The following FAM50A variants were observed in gnomAD, a reference collection of about 807,000 sequenced individuals.
The protein encoded by FAM50A is family with sequence similarity 50 member A.
Under a neutral mutation model 35.5 loss-of-function variants are expected in FAM50A, and 6 were observed. The observed-to-expected ratio is 0.17, with a 90% CI of 0.09 to 0.33. The LOEUF (loss-of-function observed/expected upper bound fraction) is 0.33, where lower values mean the gene tolerates loss of function less well. FAM50A is among the 10% of genes least tolerant of loss of function. The pLI, the probability that FAM50A is intolerant of heterozygous loss-of-function variation, is 1.00. For missense variants in FAM50A, 145 were observed against 295.5 expected, an observed-to-expected ratio of 0.49 and a Z score of 3.73; for synonymous variants, 120 against 110.9, an observed-to-expected ratio of 1.08 and a Z score of -0.52.
chrX:154,449,107 A>G, intron 7 of FAM50A, 114 bp from the exon 8 acceptor site: 1 of 882,494 alleles, frequency 1.1e-6, no homozygotes, highest in Non-Finnish European at 1.6e-6. Flanking sequence ...AGTGAGGCCC[A>G]GGCCTGGCTG....
chrX:154,445,759 C>T, intron 2 of FAM50A, 42 bp downstream of exon 2: 2 of 1,189,253 alleles, frequency 1.7e-6, no homozygotes, highest in Non-Finnish European at 1.1e-6. Context: ...CCCCGGGCCA[C>T]TCTTCCGCTG....
chrX:154,445,388 C>T (rs1467973944), intron 1 of FAM50A: 18 of 426,275 alleles, frequency 4.2e-5, no homozygotes, highest in East Asian at 3.5e-4. Context: ...TCAGTAGGGT[C>T]GGTGGCTTCA....
rs1557200119 is a variant in FAM50A at position 154,448,703 on chromosome X, G to A, written c.533G>A (p.Arg178Gln). The A allele has an allele frequency of 2.5e-6, 3 of 1,210,208 alleles. No individual in the cohort carries two copies. The highest frequency in any genetic ancestry group is 2.2e-6 in the Non-Finnish European group (2 of 894,983). ...TCCCTCTCCCAGGAGGAGGAGAATC[G>A]GCTTCGGGAAGAGCTGCGGCAGGAG... ...PDRDREEEEN[R>Q]LREELRQEWE... is the part of the protein sequence containing the mutation. The change falls in exon 6 of 13, where the codon CGG becomes CAG. Residue 178 changes from arginine (R) to glutamine (Q), a missense_variant. Coordinates refer to ENST00000393600, the MANE Select transcript of FAM50A (RefSeq NM_004699.4).
At chrX:154,444,408 G>T in intron 1 of FAM50A, 62 bp downstream of exon 1, 7 of 752,759 alleles carry the variant, frequency 9.3e-6, no homozygotes, top group African/African-American at 2.2e-5. Flanking sequence ...CCCGCGCCAC[G>T]CTCCGGCCCT....
Position 154,445,683 on chromosome X carries a change from C to T in FAM50A, c.162C>T (p.Asp54=), listed in dbSNP as rs371006017. The part of the protein sequence containing the change: ...NIDKKFSAHY[D]AVEAELKSST... ...ACAAGAAGTTCTCTGCGCACTACGA[C>T]GCGGTGGAGGCAGAGCTCAAGTCCA... Residue 54 remains aspartate (D), a synonymous_variant, in exon 2 of 13, where the codon GAC becomes GAT. Coordinates refer to ENST00000393600, the MANE Select transcript of FAM50A (RefSeq NM_004699.4). 1.3e-5 allele frequency: 16 copies of T among 1,208,321 alleles called. No homozygotes were observed. Among genetic ancestry groups the T allele is most frequent in the South Asian group, 1.1e-4 (6 of 56,805 alleles).
intron 1 of FAM50A, chrX:154,445,307 C>G: frequency 3.5e-6 from 1 of 283,231 alleles, no homozygotes; most frequent in African/African-American, 2.7e-5. Context: ...CTTGTTTGCC[C>G]TCTCCTCATA....
intron 4 of FAM50A, among the ~76,000 whole-genome samples, chrX:154,447,406 G>T (rs2068786414): frequency 9.0e-6 from 1 of 111,354 alleles, no homozygotes; most frequent in South Asian, 3.7e-4. Flanking sequence ...CCATGGCTTT[G>T]AGGGGAGTGC....
At chrX:154,445,116 G>A (rs1424817375) in intron 1 of FAM50A, among the ~76,000 whole-genome samples, 3 of 111,157 alleles carry the variant, frequency 2.7e-5, no homozygotes, top group Non-Finnish European at 5.7e-5. Flanking sequence ...GCAAGCAGAA[G>A]GTGTATTTCT....
intron 4 of FAM50A, among the ~76,000 whole-genome samples, chrX:154,448,172 G>C (rs782488501): frequency 1.2e-3 from 130 of 105,137 alleles, no homozygotes; most frequent in Non-Finnish European, 1.9e-3. Context: ...AGGCTCAAGC[G>C]ATCCTCCCAC....
chrX:154,446,856 C>T (rs914155582), intron 4 of FAM50A, among the ~76,000 whole-genome samples: 2 of 112,366 alleles, frequency 1.8e-5, no homozygotes, highest in Non-Finnish European at 1.9e-5. Context: ...TTTGTTTCAG[C>T]GTAAATGTAT....
intron 1 of FAM50A, 57 bp from the exon 2 acceptor site, chrX:154,445,576 C>A: frequency 1.0e-6 from 1 of 976,491 alleles, no homozygotes; most frequent in Non-Finnish European, 1.5e-6. Flanking sequence ...CCTTGATGGC[C>A]AGCCTGCCAT....
intron 10 of FAM50A, 30 bp downstream of exon 10, chrX:154,449,961 A>G (rs1603386492): frequency 8.3e-7 from 1 of 1,209,747 alleles, no homozygotes. Flanking sequence ...CCGCCCCCAT[A>G]GCACCTTGCC....
At position 154,448,940 on chromosome X, in the gene FAM50A, C is replaced by A; in HGVS notation, c.634C>A (p.Arg212=). 2.5e-6 allele frequency: 3 copies of A among 1,209,866 alleles called. No individual in the cohort carries two copies. Among genetic ancestry groups the A allele is most frequent in the Non-Finnish European group, 3.4e-6 (3 of 893,970 alleles). ...CAGCTACTGGGATGGCTCTGGGCAC[C>A]GGCGGACAGTCAAGGTAGGCAGCGT... ...TFSYWDGSGH[R]RTVKMRKGNT... is the part of the protein sequence containing the mutation. The change falls in exon 7 of 13, where the codon CGG becomes AGG. Residue 212 remains arginine, a synonymous_variant. Coordinates refer to ENST00000393600, the MANE Select transcript of FAM50A (RefSeq NM_004699.4).
intron 8 of FAM50A, 90 bp downstream of exon 8, chrX:154,449,387 C>A: frequency 1.3e-6 from 1 of 769,595 alleles, no homozygotes; most frequent in Non-Finnish European, 2.0e-6. Context: ...TGGGCGCTGT[C>A]TGGGCAAGCA....
At chrX:154,445,270 G>C (rs782628308) in intron 1 of FAM50A, among the ~76,000 whole-genome samples, 1 of 111,773 alleles carries the variant, frequency 8.9e-6, no homozygotes, top group Admixed American at 9.4e-5. Flanking sequence ...CACTCAGGGA[G>C]GGGCCAGGCC....
chrX:154,445,641 C>T lies in FAM50A; in HGVS notation c.120C>T (p.Ile40=). The change falls in exon 2 of 13, where the codon ATC becomes ATT. Residue 40 remains isoleucine (I), a synonymous_variant. Transcript: ENST00000393600. ...QMKQRIAEEN[I]MKSNIDKKFS... ...GCTGTCACTCCCCGCAGGAGAACAT[C>T]ATGAAATCCAACATTGACAAGAAGT... The T allele has an allele frequency of 8.3e-7, 1 of 1,206,708 alleles. No individual in the cohort carries two copies. Among genetic ancestry groups the T allele is most frequent in the South Asian group, 1.8e-5 (1 of 56,868 alleles).
chrX:154,448,517 A>G lies in FAM50A; in HGVS notation c.476A>G (p.Asn159Ser). 8.3e-7 allele frequency: 1 copy of G among 1,210,335 alleles called. No individual in the cohort carries two copies. Among genetic ancestry groups the G allele is most frequent in the East Asian group, 3.0e-5 (1 of 33,794 alleles). The change falls in exon 5 of 13, where the codon AAC becomes AGC. Residue 159 changes from asparagine (N) to serine (S), a missense_variant. Physicochemically the swap from Asn to Ser is conservative, Grantham distance 46. Transcript: ENST00000393600. ...ITTKKRKLGK[N>S]PDVDTSFLPD... ...ACGAAGAAGAGAAAACTGGGGAAGA[A>G]CCCAGACGTTGACACAAGCTTCTTG...
intron 4 of FAM50A, among the ~76,000 whole-genome samples, chrX:154,448,021 C>T (rs1216409534): frequency 9.3e-6 from 1 of 107,760 alleles, no homozygotes; most frequent in Non-Finnish European, 1.9e-5. Flanking sequence ...GAGCATCAGG[C>T]TAAAGAGTTT....
At position 154,449,217 on chromosome X, in the gene FAM50A, A is replaced by G. The variant is rs1557200198; in HGVS notation, c.649-4A>G. The G allele has an allele frequency of 3.3e-6, 4 of 1,207,648 alleles. No individual in the cohort carries two copies. The highest frequency in any genetic ancestry group is 4.5e-6 in the Non-Finnish European group (4 of 891,264). ...CTTCCCAACTCCTGGATTCCCGGAT[A>G]CAGATGAGAAAGGGCAACACCATGC... On this transcript the variant is annotated splice_polypyrimidine_tract_variant and splice_region_variant and intron_variant, in intron 7 of 12. Coordinates refer to ENST00000393600, the MANE Select transcript of FAM50A (RefSeq NM_004699.4).
Sources: allele counts gnomAD v4.1 joint callset (sites outside exome capture counted in the v4.1 genomes callset), GRCh38; gene constraint gnomAD v4.1.1; transcripts MANE v1.5; gene names NCBI Gene and HGNC (gene_info 2026-07-23, HGNC 2026-07-21).